The following SATB2 variants were observed in gnomAD, a reference collection of about 807,000 sequenced individuals.
SATB2 encodes the protein DNA-binding protein SATB2.
In SATB2, 1 loss-of-function variant was observed where a neutral mutation model predicts 73.4. The ratio of observed to expected loss-of-function variants is 0.01; its 90% CI spans 0.00 to 0.06. The LOEUF is 0.06. SATB2 is among the 10% of genes least tolerant of loss of function. The pLI, the probability that SATB2 is intolerant of heterozygous loss-of-function variation, is 1.00. For missense variants in SATB2, 459 were observed against 945.8 expected (o/e 0.49, Z 6.75); for synonymous variants, 397 against 367.0 (o/e 1.08, Z -0.93).
chr2:199,405,365 C>A (rs1338198698), intron 3 of SATB2, among the ~76,000 whole-genome samples: 2 of 152,088 alleles, frequency 1.3e-5, no homozygotes, highest in African/African-American at 4.8e-5. Context: ...ATGAGACTCC[C>A]CCATAAAGAA....
intron 2 of SATB2, among the ~76,000 whole-genome samples, chr2:199,436,715 T>C (rs1050527391): frequency 3.3e-5 from 5 of 151,770 alleles, no homozygotes; most frequent in African/African-American, 1.2e-4. Flanking sequence ...TAAAAAATAG[T>C]AAAATAGTAT....
chr2:199,330,122 T>A (rs985828067), intron 7 of SATB2, among the ~76,000 whole-genome samples: 1 of 152,130 alleles, frequency 6.6e-6, no homozygotes, highest in African/African-American at 2.4e-5. Context: ...GGAAACACTA[T>A]CAGATTTCTA....
At position 199,270,941 on chromosome 2, in the gene SATB2, A is replaced by G. The variant is rs773142517; in HGVS notation, c.*1270T>C. The stretch of plus-strand genomic sequence containing the variant: ...GGACTGAAAATGTTTGATTAGGTAG[A>G]TGGAATGTGTACGAAGAAGAGGAAG... On this transcript the variant is annotated 3_prime_UTR_variant, in exon 11 of 11. Transcript: ENST00000417098. The G allele has an allele frequency of 2.6e-5, 4 of 152,334 alleles. No individual in the cohort carries two copies. Among genetic ancestry groups the G allele is most frequent in the African/African-American group, 9.6e-5 (4 of 41,452 alleles). The allele number at this position is 152,334 out of a possible 1,614,324, so 9.4% of individuals were successfully genotyped here.
At chr2:199,378,856 C>G (rs1336715483) in intron 5 of SATB2, among the ~76,000 whole-genome samples, 1 of 152,166 alleles carries the variant, frequency 6.6e-6, no homozygotes, top group Non-Finnish European at 1.5e-5. Flanking sequence ...AAGGGGGGCT[C>G]ATAAAGGTAA....
intron 10 of SATB2, among the ~76,000 whole-genome samples, chr2:199,298,814 G>A (rs1464189567): frequency 1.3e-5 from 2 of 152,166 alleles, no homozygotes; most frequent in Non-Finnish European, 2.9e-5. Flanking sequence ...TTCTGCAGAT[G>A]TTCTTTTCTG....
chr2:199,398,543 T>C (rs1363708500), intron 3 of SATB2, among the ~76,000 whole-genome samples: 1 of 152,156 alleles, frequency 6.6e-6, no homozygotes, highest in African/African-American at 2.4e-5. Context: ...CCCTACAGTA[T>C]AAAGTTTTGA....
chr2:199,308,688 T>C lies in SATB2; in HGVS notation c.1740+72A>G. The stretch of plus-strand genomic sequence containing the variant: ...CAGAAGTTGGTGTGGTGTGTGCCAC[T>C]TGGACCCTCAGCAGCTACTGCTGGC... On this transcript the variant is annotated intron_variant, in intron 10 of 10. Coordinates refer to ENST00000417098, the MANE Select transcript of SATB2 (RefSeq NM_001172509.2). This position sits in a 1 kb window ranked among gnomAD's most constrained non-coding sequence, Gnocchi z 4.6. The C allele has an allele frequency of 7.4e-7, 1 of 1,344,224 alleles. No individual in the cohort carries two copies. The highest frequency in any genetic ancestry group is 1.1e-6 in the Non-Finnish European group (1 of 942,102). 83.3% of individuals were successfully genotyped at this position (1,344,224 alleles called of 1,614,324 possible).
intron 10 of SATB2, among the ~76,000 whole-genome samples, chr2:199,279,196 C>T (rs552981569): frequency 5.9e-5 from 9 of 152,072 alleles, no homozygotes; most frequent in Non-Finnish European, 1.3e-4. Context: ...CAAATGAAAC[C>T]CAAAGTTCCT....
Position 199,308,109 on chromosome 2 carries a change from G to A in SATB2, c.1740+651C>T, listed in dbSNP as rs947542199. 5.3e-5 allele frequency among the ~76,000 whole-genome samples: 8 copies of A among 152,156 alleles called. No homozygotes were observed. The highest frequency in any genetic ancestry group is 1.9e-4 in the African/African-American group (8 of 41,434). ...CAATTAATTTTAGACTATGGAAAGT[G>A]TCAGTAGTTAAACTCAATTACTATG... On this transcript the variant is annotated intron_variant, in intron 10 of 10. Coordinates refer to ENST00000417098, the MANE Select transcript of SATB2 (RefSeq NM_001172509.2). This position sits in a 1 kb window ranked among gnomAD's most constrained non-coding sequence, Gnocchi z 4.6.
intron 9 of SATB2, among the ~76,000 whole-genome samples, chr2:199,316,764 T>A (rs1024819161): frequency 6.6e-6 from 1 of 152,060 alleles, no homozygotes; most frequent in Non-Finnish European, 1.5e-5. Context: ...TTGGTACACC[T>A]TTACACATAT....
At chr2:199,431,257 C>T (rs1393507231) in intron 3 of SATB2, among the ~76,000 whole-genome samples, 1 of 152,198 alleles carries the variant, frequency 6.6e-6, no homozygotes, top group Non-Finnish European at 1.5e-5. Flanking sequence ...ATTTGGTCTA[C>T]AATAAACACG....
chr2:199,433,006 T>C (rs1261708779), intron 3 of SATB2, among the ~76,000 whole-genome samples: 1 of 152,200 alleles, frequency 6.6e-6, no homozygotes, highest in African/African-American at 2.4e-5. Flanking sequence ...ACTGAATGCT[T>C]TATAAGTCAT....
intron 3 of SATB2, among the ~76,000 whole-genome samples, chr2:199,423,375 A>G (rs1691230404): frequency 6.6e-6 from 1 of 152,152 alleles, no homozygotes; most frequent in Non-Finnish European, 1.5e-5. Context: ...AGAGAACCAC[A>G]GCCTCCAGGT....
At chr2:199,391,229 A>C (rs1359947927) in intron 3 of SATB2, among the ~76,000 whole-genome samples, 1 of 152,018 alleles carries the variant, frequency 6.6e-6, no homozygotes, top group Non-Finnish European at 1.5e-5. Context: ...GTGGATCACA[A>C]GGGACAGAGA....
In SATB2 at chr2:199,315,242, T is replaced by C. The variant is rs142692562; in HGVS notation, c.1543-6285A>G. 9.9e-5 allele frequency among the ~76,000 whole-genome samples: 15 copies of C among 152,224 alleles called. No homozygotes were observed. In the East Asian group the frequency reaches 2.1e-3, roughly 22 times the overall value. ...TTAGAGTTTTTAAAGCTCTCTTCAA[T>C]TGAAAATGAATGAGGTATGGCAATA... On this transcript the variant is annotated intron_variant, in intron 9 of 10. Coordinates refer to ENST00000417098, the MANE Select transcript of SATB2 (RefSeq NM_001172509.2).
At chr2:199,366,639 C>T (rs1178478306) in intron 6 of SATB2, among the ~76,000 whole-genome samples, 1 of 152,020 alleles carries the variant, frequency 6.6e-6, no homozygotes, top group African/African-American at 2.4e-5. Context: ...CTGACACACA[C>T]ACAGACACAC....
At chr2:199,334,861 T>G (rs1347601357) in intron 7 of SATB2, among the ~76,000 whole-genome samples, 1 of 152,090 alleles carries the variant, frequency 6.6e-6, no homozygotes, top group Non-Finnish European at 1.5e-5. Context: ...AACAAAATCG[T>G]TTCTCTCCTA....
At chr2:199,317,415 C>A (rs1289890799) in intron 9 of SATB2, among the ~76,000 whole-genome samples, 3 of 151,982 alleles carry the variant, frequency 2.0e-5, no homozygotes, top group Non-Finnish European at 4.4e-5. Flanking sequence ...AATATGGCAA[C>A]CTAATTTACT....
intron 6 of SATB2, among the ~76,000 whole-genome samples, chr2:199,353,453 C>T (rs998086690): frequency 6.6e-6 from 1 of 152,058 alleles, no homozygotes; most frequent in Non-Finnish European, 1.5e-5. Context: ...CCATGCCTGG[C>T]TGATTTTACC....
Sources: allele counts gnomAD v4.1 joint callset (sites outside exome capture counted in the v4.1 genomes callset), GRCh38; gene constraint gnomAD v4.1.1; non-coding constraint Gnocchi (gnomAD v3.1); transcripts MANE v1.5; gene names NCBI Gene and HGNC (gene_info 2026-07-23, HGNC 2026-07-21).